COL22A1: variants seen among roughly 807,000 people sequenced by gnomAD.
The protein encoded by COL22A1 is collagen alpha-1(XXII) chain.
A neutral mutation model predicts 248.9 loss-of-function variants in COL22A1; 221 were observed. The observed-to-expected ratio is 0.89, with a 90% CI of 0.80 to 0.99. COL22A1 has a LOEUF of 0.99. COL22A1 is among the 50% of genes least tolerant of loss of function. The pLI is 0.00. For missense variants in COL22A1, 2,240 were observed against 2,179.0 expected (o/e 1.03, Z -0.56); for synonymous variants, 891 against 793.4 (o/e 1.12, Z -2.07).
chr8:138,870,116 G>C (rs1485320681), intron 3 of COL22A1, among the ~76,000 whole-genome samples: 1 of 151,520 alleles, frequency 6.6e-6, no homozygotes, highest in Non-Finnish European at 1.5e-5. Context: ...TGGAGCATGT[G>C]TCTGTGTTTG....
chr8:138,651,399 T>C (rs1257855595), intron 45 of COL22A1, among the ~76,000 whole-genome samples: 1 of 152,226 alleles, frequency 6.6e-6, no homozygotes, highest in Non-Finnish European at 1.5e-5. Context: ...AATGAATGAA[T>C]CAGGCATCCC....
chr8:138,639,916 TA>T (rs1163919050), intron 47 of COL22A1, among the ~76,000 whole-genome samples: 1 of 152,222 alleles, frequency 6.6e-6, no homozygotes, highest in Non-Finnish European at 1.5e-5. Context: ...TTGCTTTGAA[TA>T]AGGTCAATTA....
At chr8:138,902,768 ACACACAC>A in intron 1 of COL22A1, among the ~76,000 whole-genome samples, 1 of 150,780 alleles carries the variant, frequency 6.6e-6, no homozygotes, top group African/African-American at 2.4e-5. Context: ...ACACACACAC[ACACACAC>A]ACACACACAC....
In COL22A1 at chr8:138,660,488, A is replaced by C. The variant is rs763319331; in HGVS notation, c.3241-8T>G. 1.2e-5 allele frequency: 19 copies of C among 1,613,380 alleles called. No homozygotes were observed. The South Asian group carries it at 2.0e-4, about 17-fold the overall frequency. On this transcript the variant is annotated splice_polypyrimidine_tract_variant and splice_region_variant and intron_variant, in intron 43 of 64. Coordinates refer to ENST00000303045, the MANE Select transcript of COL22A1 (RefSeq NM_152888.3). ...TGGATTTCCTGGTGCACCCTAAGAGAAGAAGGAAATAAAACATTAACTGTG... is the reference window on the plus strand; with the variant it reads ...TGGATTTCCTGGTGCACCCTAAGAGCAGAAGGAAATAAAACATTAACTGTG...
At chr8:138,813,991 C>T (rs572237268) in intron 7 of COL22A1, among the ~76,000 whole-genome samples, 68 of 152,344 alleles carry the variant, frequency 4.5e-4, no homozygotes, top group African/African-American at 7.2e-4. Flanking sequence ...AGACGTAACA[C>T]GTAAAAAACC....
intron 54 of COL22A1, 42 bp from the exon 55 acceptor site, chr8:138,616,096 A>G: frequency 6.5e-7 from 1 of 1,534,066 alleles, no homozygotes; most frequent in Non-Finnish European, 9.0e-7. Context: ...GAGATGCTTC[A>G]GCCACTGGCT....
At chr8:138,674,220 G>A (rs1334842238) in intron 41 of COL22A1, among the ~76,000 whole-genome samples, 1 of 152,168 alleles carries the variant, frequency 6.6e-6, no homozygotes, top group Non-Finnish European at 1.5e-5. Context: ...TGAGGAGGTA[G>A]ATGTGGATGC....
chr8:138,882,630 ACT>A (rs139007294), intron 2 of COL22A1, among the ~76,000 whole-genome samples: 17,136 of 140,518 alleles, frequency 0.12, 1,200 homozygotes, highest in East Asian at 0.25. Context: ...TCTTCCTCAA[ACT>A]CACACACTCT....
intron 52 of COL22A1, 67 bp from the exon 53 acceptor site, chr8:138,619,575 C>G: frequency 6.8e-7 from 1 of 1,463,274 alleles, no homozygotes; most frequent in Non-Finnish European, 9.6e-7. Flanking sequence ...TCCTGGCTCT[C>G]TGTGTTTCCT....
At chr8:138,628,616 T>C (rs1031022436) in intron 50 of COL22A1, among the ~76,000 whole-genome samples, 8 of 152,298 alleles carry the variant, frequency 5.3e-5, no homozygotes, top group African/African-American at 1.2e-4. Context: ...TATATTCTGG[T>C]TTGATGGTTA....
intron 1 of COL22A1, among the ~76,000 whole-genome samples, chr8:138,904,056 C>T (rs973417717): frequency 5.3e-5 from 8 of 152,246 alleles, no homozygotes; most frequent in South Asian, 2.1e-4. Context: ...TCCCTATCCC[C>T]GCTTTTTAAG....
At chr8:138,832,407 T>G (rs1179676224) in intron 5 of COL22A1, among the ~76,000 whole-genome samples, 4 of 152,196 alleles carry the variant, frequency 2.6e-5, no homozygotes, top group Non-Finnish European at 5.9e-5. Flanking sequence ...TTCAAAAGAT[T>G]TGTCTGCCTG....
At chr8:138,688,512 C>A (rs923810621) in intron 37 of COL22A1, among the ~76,000 whole-genome samples, 2 of 151,348 alleles carry the variant, frequency 1.3e-5, no homozygotes, top group Admixed American at 6.6e-5. Context: ...CAGAGTGAGA[C>A]CCTGTCTCAA....
At chr8:138,651,277 T>C (rs1268828840) in intron 45 of COL22A1, among the ~76,000 whole-genome samples, 1 of 152,154 alleles carries the variant, frequency 6.6e-6, no homozygotes, top group Admixed American at 6.5e-5. Flanking sequence ...TTTTATTCCA[T>C]CCTCTCTCCA....
At chr8:138,677,254 A>T (rs1450885830) in intron 40 of COL22A1, among the ~76,000 whole-genome samples, 1 of 152,220 alleles carries the variant, frequency 6.6e-6, no homozygotes, top group African/African-American at 2.4e-5. Context: ...CCTATGCTCT[A>T]GTTTCCTCAC....
At chr8:138,616,211 G>A (rs991529915) in intron 54 of COL22A1, among the ~76,000 whole-genome samples, 157 bp from the exon 55 acceptor site, 9 of 152,106 alleles carry the variant, frequency 5.9e-5, no homozygotes, top group African/African-American at 2.2e-4. Context: ...GGTCTGTGGC[G>A]GCCCTGAGTT....
At chr8:138,789,563 G>T (rs1299912893) in intron 12 of COL22A1, among the ~76,000 whole-genome samples, 2 of 152,188 alleles carry the variant, frequency 1.3e-5, no homozygotes, top group South Asian at 2.1e-4. Flanking sequence ...TATATTTTCT[G>T]GTTCAGAGGC....
chr8:138,854,256 G>T (rs1421544522), intron 3 of COL22A1, among the ~76,000 whole-genome samples: 1 of 152,176 alleles, frequency 6.6e-6, no homozygotes, highest in Non-Finnish European at 1.5e-5. Context: ...CATCCTGGGT[G>T]TCCACCATCT....
At chr8:138,764,898 G>A (rs372170373) in intron 16 of COL22A1, among the ~76,000 whole-genome samples, 1 of 152,362 alleles carries the variant, frequency 6.6e-6, no homozygotes. Context: ...AGAGGTTGCA[G>A]TGAGCCGAGA....
Sources: gnomAD v4.1 joint callset for allele counts (sites outside exome capture counted in the v4.1 genomes callset) on GRCh38, gnomAD v4.1.1 for gene constraint, MANE v1.5 for transcripts, NCBI Gene and HGNC (gene_info 2026-07-23, HGNC 2026-07-21) for gene names.